VPS41: variants seen among roughly 807,000 people sequenced by gnomAD.
VPS41 encodes vacuolar protein sorting-associated protein 41 homolog.
Under a neutral mutation model 130.9 loss-of-function variants are expected in VPS41, and 85 were observed. The ratio of observed to expected loss-of-function variants is 0.65; its 90% CI spans 0.55 to 0.78. The LOEUF (loss-of-function observed/expected upper bound fraction) is 0.78, where lower values mean the gene tolerates loss of function less well. Among genes scored for constraint, VPS41 ranks in the 30% least tolerant of loss-of-function variants. The pLI is 0.00. For synonymous variants in VPS41, 335 were observed against 332.9 expected, an observed-to-expected ratio of 1.01 and a Z score of -0.07; for missense variants, 874 against 1,018.7, an observed-to-expected ratio of 0.86 and a Z score of 1.93.
intron 17 of VPS41, among the ~76,000 whole-genome samples, chr7:38,760,774 C>T (rs938385675): frequency 2.0e-5 from 3 of 151,928 alleles, no homozygotes; most frequent in African/African-American, 4.8e-5. Context: ...AAAAATAGTA[C>T]ATTATTACTA....
At chr7:38,764,640 G>A (rs1783994253) in intron 16 of VPS41, among the ~76,000 whole-genome samples, 1 of 152,100 alleles carries the variant, frequency 6.6e-6, no homozygotes, top group Non-Finnish European at 1.5e-5. Context: ...ATGACAAGAA[G>A]TGGAGATTAA....
intron 8 of VPS41, chr7:38,796,325 G>C: frequency 2.9e-6 from 1 of 347,190 alleles, no homozygotes; most frequent in African/African-American, 2.2e-5. Flanking sequence ...CTTTCTTACA[G>C]ACAGGTCTAT....
intron 7 of VPS41, among the ~76,000 whole-genome samples, chr7:38,804,905 G>C (rs1485488528): frequency 1.3e-5 from 2 of 152,214 alleles, no homozygotes; most frequent in Non-Finnish European, 2.9e-5. Flanking sequence ...ATTTAATAGA[G>C]CTGGCTGTTC....
intron 25 of VPS41, among the ~76,000 whole-genome samples, chr7:38,739,893 T>C (rs1486554849): frequency 6.6e-6 from 1 of 152,248 alleles, no homozygotes; most frequent in East Asian, 1.9e-4. Flanking sequence ...GTAGCTTCTT[T>C]AGTAGATATT....
At chr7:38,868,054 G>A (rs1786266507) in intron 3 of VPS41, among the ~76,000 whole-genome samples, 2 of 152,210 alleles carry the variant, frequency 1.3e-5, no homozygotes, top group Non-Finnish European at 2.9e-5. Context: ...AACAGAGAGT[G>A]TCACAGAGGC....
intron 7 of VPS41, among the ~76,000 whole-genome samples, chr7:38,799,227 C>CA (rs1322866927): frequency 4.0e-5 from 6 of 151,424 alleles, no homozygotes; most frequent in African/African-American, 9.7e-5. Context: ...ACAAGACATT[C>CA]AAAAAAAACA....
At chr7:38,751,435 T>C (rs769017071) in intron 22 of VPS41, among the ~76,000 whole-genome samples, 1 of 152,188 alleles carries the variant, frequency 6.6e-6, no homozygotes, top group Non-Finnish European at 1.5e-5. Flanking sequence ...TTAGCACATA[T>C]ATAGTTAAGT....
Position 38,726,023 on chromosome 7 carries a change from A to G in VPS41, c.*223T>C. 2.0e-6 allele frequency: 1 copy of G among 495,970 alleles called. No homozygotes were observed. Among genetic ancestry groups the G allele is most frequent in the South Asian group, 3.3e-5 (1 of 29,868 alleles). 30.7% of individuals were successfully genotyped at this position (495,970 alleles called of 1,614,324 possible). ...GAGCCAAACAAATAAATAACAAAAT[A>G]TTCACTATGGACCCCAAAATTTCAA... is the stretch of plus-strand genomic sequence containing the variant. On this transcript the variant is annotated 3_prime_UTR_variant, in exon 29 of 29. Transcript: ENST00000310301.
chr7:38,729,953 C>T (rs929944586), intron 25 of VPS41, among the ~76,000 whole-genome samples: 15 of 152,004 alleles, frequency 9.9e-5, no homozygotes, highest in Non-Finnish European at 2.2e-4. Context: ...GAACTTGTTG[C>T]TGCTTTTTCA....
At chr7:38,859,784 G>C (rs2116300037) in intron 4 of VPS41, among the ~76,000 whole-genome samples, 2 of 152,168 alleles carry the variant, frequency 1.3e-5, no homozygotes, top group South Asian at 4.1e-4. Flanking sequence ...TGGTTATATG[G>C]GCATAAATAT....
At chr7:38,749,567 T>C (rs2286094) in intron 22 of VPS41, among the ~76,000 whole-genome samples, 34,351 of 152,090 alleles carry the variant, frequency 0.23, 4,433 homozygotes, top group East Asian at 0.43. Context: ...CAACAATCTC[T>C]AAATTCTAAG....
At chr7:38,875,674 T>A (rs1371079316) in intron 2 of VPS41, among the ~76,000 whole-genome samples, 1 of 152,176 alleles carries the variant, frequency 6.6e-6, no homozygotes, top group African/African-American at 2.4e-5. Flanking sequence ...TATAGCTGCC[T>A]CAATGACCAA....
chr7:38,760,421 T>C (rs971068916), intron 17 of VPS41, among the ~76,000 whole-genome samples: 1 of 152,162 alleles, frequency 6.6e-6, no homozygotes, highest in African/African-American at 2.4e-5. Flanking sequence ...ATGTCAAAGC[T>C]AGATCTACTG....
intron 28 of VPS41, 70 bp downstream of exon 28, chr7:38,726,839 C>G: frequency 2.2e-6 from 3 of 1,341,888 alleles, no homozygotes; most frequent in Non-Finnish European, 2.0e-6. Context: ...TGAAGGGTTA[C>G]AGTTTAAAGC....
chr7:38,761,209 TTTTC>T (rs1173224980), intron 17 of VPS41, among the ~76,000 whole-genome samples: 3 of 149,212 alleles, frequency 2.0e-5, no homozygotes, highest in African/African-American at 7.4e-5. Context: ...CCTCCCTTCC[TTTTC>T]TTTCTCTCTC....
rs921102676 is a variant in VPS41, at chr7:38,869,388, A to G, written c.61-135T>C. 6 of 602,306 alleles carry G rather than the reference A, an allele frequency of 1.0e-5. No individual in the cohort carries two copies. The Admixed American group carries it at 1.5e-4, about 16-fold the overall frequency. The allele number at this position is 602,306 out of a possible 1,614,324, so 37.3% of individuals were successfully genotyped here. ...ATAATTCCAACTACAGCTAAAGGTT[A>G]AAATCTTCATATTTCATCTTGCCTA... On this transcript the variant is annotated intron_variant, in intron 2 of 28. Coordinates refer to ENST00000310301, the MANE Select transcript of VPS41 (RefSeq NM_014396.4).
intron 7 of VPS41, among the ~76,000 whole-genome samples, chr7:38,800,257 T>A (rs1784700095): frequency 6.6e-6 from 1 of 152,052 alleles, no homozygotes; most frequent in Non-Finnish European, 1.5e-5. Context: ...GCATATTAAA[T>A]AAAAAAGCAG....
chr7:38,839,332 C>T lies in VPS41; in HGVS notation c.247-9004G>A, dbSNP rs980432707. 2.0e-5 allele frequency among the ~76,000 whole-genome samples: 3 copies of T among 152,198 alleles called. 1 individual carries two copies. The highest frequency in any genetic ancestry group is 2.9e-5 in the Non-Finnish European group (2 of 68,030). On this transcript the variant is annotated intron_variant, in intron 4 of 28. Transcript: ENST00000310301. ...GAAGCCTATGAAAAACACACCTAATCGCAGGTTTTCTATACATCTACAAAA... is the reference window on the plus strand; with the variant it reads ...GAAGCCTATGAAAAACACACCTAATTGCAGGTTTTCTATACATCTACAAAA...
intron 4 of VPS41, among the ~76,000 whole-genome samples, chr7:38,838,219 A>G (rs182884910): frequency 7.2e-4 from 109 of 152,286 alleles, no homozygotes; most frequent in African/African-American, 2.5e-3. Context: ...ACAAACAGCA[A>G]CAACAGGAAA....
Sources: gnomAD v4.1 joint callset for allele counts (sites outside exome capture counted in the v4.1 genomes callset) on GRCh38, gnomAD v4.1.1 for gene constraint, MANE v1.5 for transcripts, NCBI Gene and HGNC (gene_info 2026-07-23, HGNC 2026-07-21) for gene names.